CSRP3: variants seen among roughly 807,000 people sequenced by gnomAD.
CSRP3 encodes the protein cysteine and glycine-rich protein 3.
Under a neutral mutation model 24.3 loss-of-function variants are expected in CSRP3, and 24 were observed. The ratio of observed to expected loss-of-function variants is 0.99; its 90% CI spans 0.71 to 1.39. CSRP3 has a LOEUF of 1.39. Ranked by LOEUF, CSRP3 falls within the 40% of genes most tolerant of loss-of-function variation. The pLI, the probability that CSRP3 is intolerant of heterozygous loss-of-function variation, is 0.00. For synonymous variants in CSRP3, 105 were observed against 94.0 expected, an observed-to-expected ratio of 1.12 and a Z score of -0.68; for missense variants, 240 against 249.0, an observed-to-expected ratio of 0.96 and a Z score of 0.24.
chr11:19,186,802 A>G (rs1306574525), intron 3 of CSRP3, among the ~76,000 whole-genome samples: 10 of 152,214 alleles, frequency 6.6e-5, no homozygotes, highest in Non-Finnish European at 1.0e-4. Context: ...TCAGTTCCTG[A>G]TGAACCACAG....
At chr11:19,198,115 A>G (rs758562663) in intron 1 of CSRP3, among the ~76,000 whole-genome samples, 5 of 152,174 alleles carry the variant, frequency 3.3e-5, no homozygotes, top group Non-Finnish European at 5.9e-5. Context: ...CTTTACATAT[A>G]TTATTTTTTA....
At chr11:19,188,038 A>C in intron 3 of CSRP3, 98 bp downstream of exon 3, 1 of 1,432,134 alleles carries the variant, frequency 7.0e-7, no homozygotes, top group Non-Finnish European at 9.9e-7. Flanking sequence ...AATAGAGTCC[A>C]TTCTCCCACT....
chr11:19,197,537 TTCTTTCTTTCTTTCTTTCTTTCTTTC>T (rs1412246157), intron 1 of CSRP3, among the ~76,000 whole-genome samples: 9 of 136,742 alleles, frequency 6.6e-5, no homozygotes, highest in African/African-American at 2.6e-4. Context: ...CTTTCTTTCT[TTCTTTCTTTCTTTCTTTCTTTCTTTC>T]TTTCTTTCTT....
In CSRP3 at chr11:19,182,279, G is replaced by C. The variant is rs184669824; in HGVS notation, c.*391C>G. 5 of 192,130 alleles carry C rather than the reference G, an allele frequency of 2.6e-5. No homozygotes were observed. Among genetic ancestry groups the C allele is most frequent in the Admixed American group, 2.1e-4 (4 of 18,744 alleles). The allele number at this position is 192,130 out of a possible 1,614,324, so 11.9% of individuals were successfully genotyped here. A position where few individuals can be genotyped will look rare whatever the true frequency, so the allele number is the denominator to read the frequency against. On this transcript the variant is annotated 3_prime_UTR_variant, in exon 6 of 6. Transcript: ENST00000265968. ...ATTCTGAAAGACTGCTTTCCTTTGC[G>C]CATTGTTTCTTCCTTCTCACTCCTT...
Position 19,188,117 on chromosome 11 carries a change from G to C in CSRP3, c.281+19C>G. 6.8e-6 allele frequency: 11 copies of C among 1,614,110 alleles called. No homozygotes were observed. The highest frequency in any genetic ancestry group is 9.3e-6 in the Non-Finnish European group (11 of 1,179,986). On this transcript the variant is annotated intron_variant, in intron 3 of 5. Transcript: ENST00000265968. ...ATTGGAGACTTTAACAGGCAAGGGGGAGCAGGGCAGTAACTCACTGTTGGA... is the reference window on the plus strand; with the variant it reads ...ATTGGAGACTTTAACAGGCAAGGGGCAGCAGGGCAGTAACTCACTGTTGGA...
chr11:19,192,810 T>C (rs1339479177), intron 1 of CSRP3, among the ~76,000 whole-genome samples: 1 of 152,198 alleles, frequency 6.6e-6, no homozygotes, highest in Admixed American at 6.5e-5. Flanking sequence ...CGTTTTTTTT[T>C]TCATCTCAAG....
chr11:19,187,163 G>C (rs1365350452), intron 3 of CSRP3, among the ~76,000 whole-genome samples: 1 of 152,226 alleles, frequency 6.6e-6, no homozygotes, highest in Non-Finnish European at 1.5e-5. Flanking sequence ...ATGTGAGGCA[G>C]AGAATGCAGT....
At chr11:19,196,317 C>A (rs1167333966) in intron 1 of CSRP3, among the ~76,000 whole-genome samples, 1 of 152,144 alleles carries the variant, frequency 6.6e-6, no homozygotes. Context: ...GACATGGATT[C>A]TAATCTCGAC....
chr11:19,201,249 A>G (rs1354643390), intron 1 of CSRP3, among the ~76,000 whole-genome samples: 1 of 152,234 alleles, frequency 6.6e-6, no homozygotes, highest in Admixed American at 6.5e-5. Context: ...CAACATAGCA[A>G]TGTCTTTTTG....
At chr11:19,183,053 G>A (rs1273926455) in intron 5 of CSRP3, among the ~76,000 whole-genome samples, 2 of 152,116 alleles carry the variant, frequency 1.3e-5, no homozygotes, top group African/African-American at 4.8e-5. Flanking sequence ...AGCTACTGGG[G>A]AGGCTGAGGC....
At chr11:19,187,218 A>C (rs1186971477) in intron 3 of CSRP3, among the ~76,000 whole-genome samples, 2 of 152,270 alleles carry the variant, frequency 1.3e-5, no homozygotes, top group South Asian at 2.1e-4. Context: ...GAGATTGAGT[A>C]ATAAGACAAA....
At chr11:19,196,715 T>G (rs11025052) in intron 1 of CSRP3, 20,551 of 152,222 alleles carry the variant, frequency 0.14, 1,488 homozygotes, top group East Asian at 0.19. Context: ...TCGGCCCTGT[T>G]TGTAACCTGG....
At chr11:19,190,029 AT>A (rs1462057211) in intron 2 of CSRP3, among the ~76,000 whole-genome samples, 1 of 152,236 alleles carries the variant, frequency 6.6e-6, no homozygotes, top group East Asian at 1.9e-4. Context: ...TTGTCTTAAT[AT>A]TCCGAGAATT....
chr11:19,185,116 A>G, intron 4 of CSRP3, 71 bp from the exon 5 acceptor site: 1 of 1,133,974 alleles, frequency 8.8e-7, no homozygotes, highest in Non-Finnish European at 1.3e-6. Flanking sequence ...CAAGTCCCTG[A>G]CCAGCAGCAT....
intron 1 of CSRP3, among the ~76,000 whole-genome samples, chr11:19,201,629 C>T (rs1272471966): frequency 2.0e-5 from 3 of 152,224 alleles, no homozygotes; most frequent in African/African-American, 4.8e-5. Flanking sequence ...TATTTCCTCC[C>T]GCTTTCCAGT....
chr11:19,183,983 C>T (rs1035013742), intron 5 of CSRP3, among the ~76,000 whole-genome samples: 5 of 152,178 alleles, frequency 3.3e-5, no homozygotes, highest in Non-Finnish European at 7.3e-5. Flanking sequence ...TAAGGTGTGA[C>T]TTTGCTCCTC....
Position 19,186,290 on chromosome 11 carries a change from A to G in CSRP3, c.340T>C (p.Phe114Leu). Residue 114 changes from phenylalanine to leucine, a missense_variant, in exon 4 of 6, where the codon TTT (phenylalanine) becomes CTT (leucine). Phe to Leu is a conservative substitution (Grantham distance 22). Coordinates refer to ENST00000265968, the MANE Select transcript of CSRP3 (RefSeq NM_003476.5). ...TSNPSKFTAK[F>L]GESEKCPRCG... ...CGAGGGCACTTCTCGGACTCTCCAA[A>G]CTTCGCAGTGAATTTGGAAGGGTTG... is the stretch of plus-strand genomic sequence containing the variant. 1 of 1,614,200 alleles carries G rather than the reference A, an allele frequency of 6.2e-7. No individual in the cohort carries two copies.
chr11:19,187,523 AC>A (rs1850546533), intron 3 of CSRP3, among the ~76,000 whole-genome samples: 1 of 152,214 alleles, frequency 6.6e-6, no homozygotes, highest in East Asian at 1.9e-4. Flanking sequence ...AAGAAAGTGG[AC>A]CCAGGGGACC....
chr11:19,182,845 A>T (rs1850459669), intron 5 of CSRP3, 99 bp from the exon 6 acceptor site: 1 of 886,810 alleles, frequency 1.1e-6, no homozygotes, highest in African/African-American at 1.6e-5. Context: ...ATTATTAGAG[A>T]CATCCTTTTG....
Sources: allele counts gnomAD v4.1 joint callset (sites outside exome capture counted in the v4.1 genomes callset), GRCh38; gene constraint gnomAD v4.1.1; transcripts MANE v1.5; gene names NCBI Gene and HGNC (gene_info 2026-07-23, HGNC 2026-07-21).